Variants in ADGRD1 observed in about 807,000 individuals in gnomAD.
The protein encoded by ADGRD1 is G-protein coupled receptor 133.
Under a neutral mutation model 113.4 loss-of-function variants are expected in ADGRD1, and 77 were observed. That is an observed-to-expected ratio of 0.68 (90% CI 0.57 to 0.82). The LOEUF (loss-of-function observed/expected upper bound fraction) is 0.82. ADGRD1 is among the 40% of genes least tolerant of loss of function. ADGRD1 has a pLI of 0.00. For synonymous variants in ADGRD1, 474 were observed against 475.0 expected, an observed-to-expected ratio of 1.00 and a Z score of 0.03; for missense variants, 1,036 against 1,139.1, an observed-to-expected ratio of 0.91 and a Z score of 1.30.
rs762309316 is a variant in ADGRD1 at position 131,027,112 on chromosome 12, G to T, written c.1473+12772G>T. ...AACGGTTGATTGTGAATGAAGCAAGGTTCATTTTCTTCCCATGGTCATTCC... is the reference window on the plus strand; with the variant it reads ...AACGGTTGATTGTGAATGAAGCAAGTTTCATTTTCTTCCCATGGTCATTCC... On this transcript the variant is annotated intron_variant, in intron 13 of 24. Coordinates refer to ENST00000261654, the MANE Select transcript of ADGRD1 (RefSeq NM_198827.5). This position sits in a 1 kb window ranked among gnomAD's most constrained non-coding sequence, Gnocchi z 5.1. 2 of 152,160 alleles carry T rather than the reference G, an allele frequency of 1.3e-5. No individual in the cohort carries two copies. Among genetic ancestry groups the T allele is most frequent in the South Asian group, 2.1e-4 (1 of 4,828 alleles). 9.4% of individuals were successfully genotyped at this position (152,160 alleles called of 1,614,324 possible).
chr12:130,997,242 G>A (rs1203496752), intron 8 of ADGRD1, among the ~76,000 whole-genome samples: 4 of 135,866 alleles, frequency 2.9e-5, no homozygotes, highest in Non-Finnish European at 6.3e-5. Flanking sequence ...TCACTTCCCA[G>A]TAGGGGCGGC....
chr12:131,039,922 G>A (rs1474419870), intron 13 of ADGRD1, among the ~76,000 whole-genome samples: 2 of 152,230 alleles, frequency 1.3e-5, no homozygotes, highest in African/African-American at 4.8e-5. Flanking sequence ...TGTGCTGGTG[G>A]CCCTGCCGGC....
In ADGRD1 at chr12:131,057,994, C is replaced by T. The variant is rs1451497466; in HGVS notation, c.1474-18807C>T. Among the ~76,000 whole-genome samples, 1 of 152,128 alleles carries T rather than the reference C, an allele frequency of 6.6e-6. No homozygotes were observed. The highest frequency in any genetic ancestry group is 6.5e-5 in the Admixed American group (1 of 15,274). On this transcript the variant is annotated intron_variant, in intron 13 of 24. Transcript: ENST00000261654. This position sits in a 1 kb window ranked among gnomAD's most constrained non-coding sequence, Gnocchi z 4.2. ...GAGAATGAGCTTCTGTTATTTTAAC[C>T]TTTGTAACTTTATTGGGAAATAAGT...
chr12:131,109,992 G>A (rs1950315342), intron 18 of ADGRD1, among the ~76,000 whole-genome samples: 1 of 152,092 alleles, frequency 6.6e-6, no homozygotes, highest in African/African-American at 2.4e-5. Flanking sequence ...AAGTCTGTTC[G>A]TCCCATATGA....
chr12:131,013,634 C>G (rs1398994331), intron 12 of ADGRD1, among the ~76,000 whole-genome samples: 4 of 152,172 alleles, frequency 2.6e-5, no homozygotes, highest in Non-Finnish European at 1.5e-5. Flanking sequence ...GCTGTGTGGG[C>G]TGTGAGCGGG....
intron 15 of ADGRD1, among the ~76,000 whole-genome samples, chr12:131,102,395 G>T (rs1385760714): frequency 6.6e-6 from 1 of 152,238 alleles, no homozygotes; most frequent in Non-Finnish European, 1.5e-5. Flanking sequence ...TACTCGGCAG[G>T]TGACTGATGA....
In ADGRD1 at chr12:131,123,325, G is replaced by A. The variant is rs183782445; in HGVS notation, c.2175+2412G>A. 4.0e-5 allele frequency among the ~76,000 whole-genome samples: 6 copies of A among 151,642 alleles called. No individual in the cohort carries two copies. In the East Asian group the frequency reaches 6.0e-4, roughly 15 times the overall value. On this transcript the variant is annotated intron_variant, in intron 20 of 24. Coordinates refer to ENST00000261654, the MANE Select transcript of ADGRD1 (RefSeq NM_198827.5). ...CTCCCAAAGTGCTGGGACTGCAGGCGTGAGCCACTGCGCCCGGCCCTGGGA... is the reference window on the plus strand; with the variant it reads ...CTCCCAAAGTGCTGGGACTGCAGGCATGAGCCACTGCGCCCGGCCCTGGGA...
chr12:131,087,603 C>G (rs999650637), intron 15 of ADGRD1, among the ~76,000 whole-genome samples: 2 of 152,210 alleles, frequency 1.3e-5, no homozygotes, highest in Non-Finnish European at 2.9e-5. Context: ...TTGCCCGCAC[C>G]CTTCAGTGGT....
chr12:131,025,586 G>A (rs1195893), intron 13 of ADGRD1: 143,365 of 151,164 alleles, frequency 0.95, 68,412 homozygotes, highest in East Asian at 1. Flanking sequence ...TCTGTCATCC[G>A]GGCTGGAGTG....
intron 15 of ADGRD1, among the ~76,000 whole-genome samples, chr12:131,090,734 A>G (rs1886852516): frequency 6.6e-6 from 1 of 152,230 alleles, no homozygotes; most frequent in Non-Finnish European, 1.5e-5. Flanking sequence ...GGACACTGCG[A>G]TGGCTTCCAG....
At chr12:131,128,943 G>A (rs1378045336) in intron 20 of ADGRD1, among the ~76,000 whole-genome samples, 1 of 147,574 alleles carries the variant, frequency 6.8e-6, no homozygotes, top group African/African-American at 2.5e-5. Flanking sequence ...CCGCCCTGCT[G>A]TCTGGGTGTG....
intron 13 of ADGRD1, among the ~76,000 whole-genome samples, chr12:131,015,338 G>T (rs1878429743): frequency 6.6e-6 from 1 of 152,150 alleles, no homozygotes; most frequent in African/African-American, 2.4e-5. Flanking sequence ...AGATGGAGGT[G>T]CGGATGGAGA....
intron 3 of ADGRD1, chr12:130,968,599 A>T (rs1462829078): frequency 2.5e-5 from 5 of 196,268 alleles, no homozygotes; most frequent in Non-Finnish European, 1.0e-5. Flanking sequence ...CTGTCTCATC[A>T]GTTCTTGTGA....
intron 20 of ADGRD1, among the ~76,000 whole-genome samples, chr12:131,121,330 C>A (rs1030463521): frequency 1.3e-5 from 2 of 152,206 alleles, no homozygotes; most frequent in African/African-American, 4.8e-5. Flanking sequence ...ATAACAGTTA[C>A]AGTTACAGTG....
At chr12:131,024,202 A>T (rs1448806494) in intron 13 of ADGRD1, 1 of 152,358 alleles carries the variant, frequency 6.6e-6, no homozygotes, top group East Asian at 1.9e-4. Flanking sequence ...TTGTGCAGGA[A>T]GCAGGTGCAG....
chr12:130,974,171 C>T (rs1393134015), intron 4 of ADGRD1, among the ~76,000 whole-genome samples: 3 of 152,100 alleles, frequency 2.0e-5, no homozygotes, highest in Non-Finnish European at 4.4e-5. Flanking sequence ...TCTCCTGGGG[C>T]CCTGATGAGC....
Position 130,965,287 on chromosome 12 carries a change from C to T in ADGRD1, c.104-1176C>T, listed in dbSNP as rs550203189. Among the ~76,000 whole-genome samples, 13 of 152,194 alleles carry T rather than the reference C, an allele frequency of 8.5e-5. No individual in the cohort carries two copies. In the Middle Eastern group the frequency reaches 0.01, roughly 119 times the overall value. ...GTTGTTTGTAATAGTGTTTCACTGA[C>T]GAAATTCTTTTCTTATTTGTAATCG... On this transcript the variant is annotated intron_variant, in intron 2 of 24. Coordinates refer to ENST00000261654, the MANE Select transcript of ADGRD1 (RefSeq NM_198827.5). This position sits in a 1 kb window ranked among gnomAD's most constrained non-coding sequence, Gnocchi z 4.8.
intron 13 of ADGRD1, among the ~76,000 whole-genome samples, chr12:131,030,412 C>T (rs968817644): frequency 1.1e-4 from 17 of 152,310 alleles, no homozygotes; most frequent in African/African-American, 2.9e-4. Context: ...GCTCTATCTC[C>T]GAGAATGCAG....
chr12:131,087,537 T>G (rs1886565917), intron 15 of ADGRD1, among the ~76,000 whole-genome samples: 1 of 152,218 alleles, frequency 6.6e-6, no homozygotes, highest in African/African-American at 2.4e-5. Context: ...CGTGGGGTTT[T>G]AGAGGTTCCG....
Sources: allele counts gnomAD v4.1 joint callset (sites outside exome capture counted in the v4.1 genomes callset), GRCh38; gene constraint gnomAD v4.1.1; non-coding constraint Gnocchi (gnomAD v3.1); transcripts MANE v1.5; gene names NCBI Gene and HGNC (gene_info 2026-07-23, HGNC 2026-07-21).